Variants in ITCH observed in about 807,000 individuals in gnomAD.
ITCH encodes the protein E3 ubiquitin-protein ligase Itchy homolog.
In ITCH, 28 loss-of-function variants were observed where a neutral mutation model predicts 126.8. The ratio of observed to expected loss-of-function variants is 0.22; its 90% confidence interval spans 0.16 to 0.30. The LOEUF is 0.30. ITCH is among the 10% of genes least tolerant of loss of function. The pLI is 1.00. For missense variants in ITCH, 631 were observed against 1,032.4 expected (o/e 0.61, Z 5.33); for synonymous variants, 342 against 340.0 (o/e 1.01, Z -0.06).
chr20:34,476,957 C>CGAT (rs1988287994), intron 16 of ITCH, among the ~76,000 whole-genome samples: 1 of 152,128 alleles, frequency 6.6e-6, no homozygotes, highest in African/African-American at 2.4e-5. Flanking sequence ...TGAAGATGAT[C>CGAT]CTATTAACCA....
chr20:34,393,630 A>G (rs986778385), intron 2 of ITCH, 161 bp from the exon 3 acceptor site: 29 of 657,484 alleles, frequency 4.4e-5, no homozygotes, highest in African/African-American at 2.7e-4. Context: ...AGATTTTGCC[A>G]ATAAGTTAGG....
chr20:34,495,631 T>C (rs926735093), intron 23 of ITCH, among the ~76,000 whole-genome samples: 10 of 152,138 alleles, frequency 6.6e-5, no homozygotes, highest in African/African-American at 2.4e-4. Flanking sequence ...TTTTAAAAAA[T>C]GTCTGAAGTA....
At chr20:34,386,246 C>T (rs2038280612) in intron 2 of ITCH, among the ~76,000 whole-genome samples, 1 of 152,006 alleles carries the variant, frequency 6.6e-6, no homozygotes, top group Non-Finnish European at 1.5e-5. Context: ...TCACAGGTGC[C>T]TGCCACCACA....
At chr20:34,369,010 A>G (rs551801359) in intron 1 of ITCH, among the ~76,000 whole-genome samples, 12 of 152,304 alleles carry the variant, frequency 7.9e-5, no homozygotes, top group Non-Finnish European at 1.6e-4. Flanking sequence ...TAGAGTCGCA[A>G]GGTCGTTGCA....
intron 20 of ITCH, among the ~76,000 whole-genome samples, chr20:34,486,923 C>G (rs997350650): frequency 6.6e-6 from 1 of 151,702 alleles, no homozygotes; most frequent in African/African-American, 2.4e-5. Context: ...CTCAAGGGAT[C>G]CACCCACCTC....
intron 19 of ITCH, 152 bp from the exon 20 acceptor site, chr20:34,480,914 A>G (rs1988690050): frequency 2.0e-6 from 2 of 1,017,118 alleles, no homozygotes; most frequent in South Asian, 1.5e-5. Flanking sequence ...ATCTTCGGCA[A>G]TAATATGACC....
intron 12 of ITCH, among the ~76,000 whole-genome samples, chr20:34,453,419 T>C (rs1985490350): frequency 6.6e-6 from 1 of 152,120 alleles, no homozygotes; most frequent in Non-Finnish European, 1.5e-5. Context: ...TGGGGCAACA[T>C]GGTGAAACCC....
chr20:34,401,597 A>G (rs2038886163), intron 3 of ITCH: 8 of 968,046 alleles, frequency 8.3e-6, no homozygotes, highest in African/African-American at 5.3e-5. Flanking sequence ...GGCATTTACT[A>G]TACTCCTTCC....
At position 34,431,369 on chromosome 20, in the gene ITCH, C is replaced by T. The variant is rs144678084; in HGVS notation, c.521+6844C>T. Reference sequence around the variant, plus strand: ...TCAAAGTTGCAGTGAACTGTGATTGCGCCATTGCACTCCAGCTTGAGTGAC... The same window carrying T: ...TCAAAGTTGCAGTGAACTGTGATTGTGCCATTGCACTCCAGCTTGAGTGAC... On this transcript the variant is annotated intron_variant, in intron 7 of 24. Transcript: ENST00000374864. Among the ~76,000 whole-genome samples, 336 of 152,022 alleles carry T rather than the reference C, an allele frequency of 2.2e-3. 1 individual carries two copies. The highest frequency in any genetic ancestry group is 7.4e-3 in the African/African-American group (308 of 41,442).
At chr20:34,398,600 T>C (rs1314923365) in intron 3 of ITCH, among the ~76,000 whole-genome samples, 2 of 152,128 alleles carry the variant, frequency 1.3e-5, no homozygotes, top group African/African-American at 2.4e-5. Flanking sequence ...GTTTTCACCA[T>C]GTTGGTCAGG....
intron 4 of ITCH, among the ~76,000 whole-genome samples, chr20:34,410,152 G>T (rs919788781): frequency 2.0e-5 from 3 of 152,070 alleles, no homozygotes; most frequent in African/African-American, 4.8e-5. Flanking sequence ...AGGATCACCT[G>T]AGGTCAGGAG....
intron 20 of ITCH, among the ~76,000 whole-genome samples, chr20:34,487,736 C>T (rs1019905894): frequency 2.0e-5 from 3 of 152,034 alleles, no homozygotes; most frequent in East Asian, 1.9e-4. Flanking sequence ...GTCAGGAGTT[C>T]GAGACCAGCC....
At chr20:34,489,698 A>G in intron 21 of ITCH, 124 bp from the exon 22 acceptor site, 3 of 764,244 alleles carry the variant, frequency 3.9e-6, no homozygotes, top group Non-Finnish European at 4.7e-6. Context: ...TTCTTGATGT[A>G]TAGTTGATAA....
At chr20:34,422,712 T>C (rs1190837346) in intron 6 of ITCH, among the ~76,000 whole-genome samples, 2 of 152,180 alleles carry the variant, frequency 1.3e-5, no homozygotes, top group African/African-American at 4.8e-5. Context: ...GTTTAAAACA[T>C]TTTTATCCCC....
intron 2 of ITCH, among the ~76,000 whole-genome samples, chr20:34,373,420 T>C (rs1165889280): frequency 6.6e-6 from 1 of 151,800 alleles, no homozygotes; most frequent in Non-Finnish European, 1.5e-5. Context: ...GGATTACAGG[T>C]CCCTGCCACC....
intron 23 of ITCH, among the ~76,000 whole-genome samples, chr20:34,504,107 C>T (rs961346325): frequency 5.3e-5 from 8 of 151,986 alleles, no homozygotes; most frequent in Non-Finnish European, 1.2e-4. Flanking sequence ...TCTTGAACTC[C>T]TGACCTCAAG....
rs117405677 is a variant in ITCH at position 34,369,996 on chromosome 20, T to C, written c.-22+526T>C. On this transcript the variant is annotated intron_variant, in intron 2 of 24. Transcript: ENST00000374864. ...GGCGTGTACCTGTAATCCTAGCTGATTGGGAGGGTGACATGGGAGGATCAC... is the reference window on the plus strand; with the variant it reads ...GGCGTGTACCTGTAATCCTAGCTGACTGGGAGGGTGACATGGGAGGATCAC... Among the ~76,000 whole-genome samples the C allele has an allele frequency of 4.6e-3, 698 of 151,722 alleles. 22 individuals are homozygous for C. Among genetic ancestry groups the C allele is most frequent in the Admixed American group, 0.034 (523 of 15,206 alleles).
At chr20:34,468,034 C>CT (rs35748150) in intron 14 of ITCH, among the ~76,000 whole-genome samples, 1,912 of 121,530 alleles carry the variant, frequency 0.016, 33 homozygotes, top group Admixed American at 0.035. Flanking sequence ...ACCTTGGAAA[C>CT]TTTTTTTTTT....
intron 6 of ITCH, among the ~76,000 whole-genome samples, chr20:34,419,697 C>G (rs568108186): frequency 2.2e-4 from 34 of 152,278 alleles, no homozygotes; most frequent in African/African-American, 7.2e-4. Context: ...CTCTGTCGCC[C>G]AGGCTGGAGG....
Sources: gnomAD v4.1 joint callset for allele counts (sites outside exome capture counted in the v4.1 genomes callset) on GRCh38, gnomAD v4.1.1 for gene constraint, MANE v1.5 for transcripts, NCBI Gene and HGNC (gene_info 2026-07-23, HGNC 2026-07-21) for gene names.